Variants in CDH13 observed in about 807,000 individuals in gnomAD.
CDH13 encodes the protein cadherin 13, also known as cadherin-13.
In CDH13, 24 loss-of-function variants were observed where a neutral mutation model predicts 63.8. That is an observed-to-expected ratio of 0.38 (90% CI 0.27 to 0.53). CDH13 has a LOEUF of 0.53. Ranked by LOEUF, CDH13 falls within the 20% of genes least tolerant of loss-of-function variation. CDH13 has a pLI of 0.85. For synonymous variants in CDH13, 503 were observed against 355.3 expected, an observed-to-expected ratio of 1.42 and a Z score of -4.67; for missense variants, 1,049 against 903.1, an observed-to-expected ratio of 1.16 and a Z score of -2.07.
At chr16:83,483,051 A>C (rs1464884467) in intron 6 of CDH13, among the ~76,000 whole-genome samples, 1 of 152,182 alleles carries the variant, frequency 6.6e-6, no homozygotes, top group African/African-American at 2.4e-5. Context: ...AATCCTCACA[A>C]CAACCAAAGG....
chr16:83,461,893 A>C (rs992958868), intron 6 of CDH13, among the ~76,000 whole-genome samples: 2 of 152,216 alleles, frequency 1.3e-5, no homozygotes, highest in African/African-American at 4.8e-5. Flanking sequence ...CATACCCCAG[A>C]AAGCAGTGGC....
At chr16:82,749,256 A>C (rs534997509) in intron 1 of CDH13, among the ~76,000 whole-genome samples, 1 of 152,262 alleles carries the variant, frequency 6.6e-6, no homozygotes, top group East Asian at 1.9e-4. Flanking sequence ...GCTGTACCTA[A>C]AGCCCATACC....
chr16:83,648,195 C>T (rs973035495), intron 8 of CDH13, among the ~76,000 whole-genome samples: 1 of 152,082 alleles, frequency 6.6e-6, no homozygotes, highest in African/African-American at 2.4e-5. Flanking sequence ...GTTTCATCAT[C>T]CAGGCGTGTA....
intron 10 of CDH13, among the ~76,000 whole-genome samples, chr16:83,683,752 C>T (rs1406740720): frequency 2.0e-5 from 3 of 152,142 alleles, no homozygotes; most frequent in Non-Finnish European, 4.4e-5. Context: ...TTTGGTTGAG[C>T]AAAAGTATTA....
At chr16:82,717,159 G>A (rs1252107410) in intron 1 of CDH13, among the ~76,000 whole-genome samples, 1 of 152,074 alleles carries the variant, frequency 6.6e-6, no homozygotes, top group Admixed American at 6.6e-5. Context: ...ATTGAGCACA[G>A]GCTGGTCCTC....
intron 7 of CDH13, among the ~76,000 whole-genome samples, chr16:83,488,839 T>G (rs998205096): frequency 6.6e-6 from 1 of 152,074 alleles, no homozygotes; most frequent in Non-Finnish European, 1.5e-5. Context: ...TGGTCAGGCT[T>G]GTCCCAAACT....
chr16:82,994,665 C>T (rs371840842), intron 2 of CDH13, among the ~76,000 whole-genome samples: 1 of 152,158 alleles, frequency 6.6e-6, no homozygotes, highest in Non-Finnish European at 1.5e-5. Flanking sequence ...GGAAGAAAAA[C>T]GTATTAGTCT....
intron 6 of CDH13, among the ~76,000 whole-genome samples, chr16:83,440,655 C>G (rs958275508): frequency 1.3e-5 from 2 of 151,916 alleles, no homozygotes; most frequent in Non-Finnish European, 2.9e-5. Context: ...CATAGTGGCG[C>G]ACACCCGTCG....
chr16:83,498,652 C>A (rs563784281), intron 7 of CDH13, among the ~76,000 whole-genome samples: 31 of 152,300 alleles, frequency 2.0e-4, no homozygotes, highest in Non-Finnish European at 3.5e-4. Flanking sequence ...AAGATTTAAA[C>A]CCCTATCAGC....
chr16:83,140,637 T>C (rs984516927), intron 4 of CDH13, among the ~76,000 whole-genome samples: 3 of 152,062 alleles, frequency 2.0e-5, no homozygotes, highest in African/African-American at 7.2e-5. Flanking sequence ...GTACTTTTAG[T>C]AGAGAAGGGG....
intron 6 of CDH13, among the ~76,000 whole-genome samples, chr16:83,394,147 G>T (rs2091839998): frequency 6.6e-6 from 1 of 151,910 alleles, no homozygotes; most frequent in Admixed American, 6.6e-5. Flanking sequence ...TGGTTACTAG[G>T]CTTAGCACTT....
chr16:83,187,861 G>A (rs2038574118), intron 4 of CDH13, among the ~76,000 whole-genome samples: 1 of 152,270 alleles, frequency 6.6e-6, no homozygotes, highest in South Asian at 2.1e-4. Context: ...ATGAGAGTAG[G>A]TTGCAGTTTT....
At chr16:82,779,258 G>A (rs2035638837) in intron 1 of CDH13, among the ~76,000 whole-genome samples, 1 of 152,172 alleles carries the variant, frequency 6.6e-6, no homozygotes, top group South Asian at 2.1e-4. Flanking sequence ...TAGGGAAGTT[G>A]AGGGACATGT....
chr16:82,863,508 T>A (rs2040019298), intron 2 of CDH13, among the ~76,000 whole-genome samples: 2 of 152,214 alleles, frequency 1.3e-5, no homozygotes, highest in Non-Finnish European at 2.9e-5. Context: ...TCTGTGGCCA[T>A]GAGTGAGTTA....
At chr16:83,650,149 C>G (rs1912227633) in intron 8 of CDH13, among the ~76,000 whole-genome samples, 1 of 152,072 alleles carries the variant, frequency 6.6e-6, no homozygotes, top group South Asian at 2.1e-4. Flanking sequence ...ATGTGTTGCA[C>G]CTGCATCCAC....
intron 1 of CDH13, among the ~76,000 whole-genome samples, chr16:82,679,294 C>T (rs535555245): frequency 4.6e-5 from 7 of 152,098 alleles, no homozygotes; most frequent in East Asian, 1.9e-4. Context: ...TTGTTGATCA[C>T]GTACCTGGGA....
At chr16:83,434,857 G>A (rs2072240977) in intron 6 of CDH13, among the ~76,000 whole-genome samples, 1 of 17,544 alleles carries the variant, frequency 5.7e-5, no homozygotes, top group African/African-American at 2.8e-4. Flanking sequence ...ATGTGTGTGC[G>A]TGTGTGTGTG....
chr16:83,657,456 T>C (rs1912967223), intron 8 of CDH13, among the ~76,000 whole-genome samples: 1 of 152,188 alleles, frequency 6.6e-6, no homozygotes, highest in East Asian at 1.9e-4. Context: ...TAGTTCCTCT[T>C]TGACCCCCAG....
intron 2 of CDH13, among the ~76,000 whole-genome samples, chr16:82,871,037 A>G (rs766929738): frequency 1.3e-5 from 2 of 152,204 alleles, no homozygotes; most frequent in Non-Finnish European, 2.9e-5. Context: ...GAGTCAAATG[A>G]TGTTCCATAG....
Sources: gnomAD v4.1 joint callset for allele counts (sites outside exome capture counted in the v4.1 genomes callset) on GRCh38, gnomAD v4.1.1 for gene constraint, MANE v1.5 for transcripts, NCBI Gene and HGNC (gene_info 2026-07-23, HGNC 2026-07-21) for gene names.